The following NSRP1 variants were observed in gnomAD, a reference collection of about 807,000 sequenced individuals.
NSRP1 encodes the protein coiled-coil domain containing 55.
A neutral mutation model predicts 54.7 loss-of-function variants in NSRP1; 24 were observed. The ratio of observed to expected loss-of-function variants is 0.44; its 90% confidence interval spans 0.32 to 0.62. The LOEUF is 0.62. Ranked by LOEUF, NSRP1 falls within the 20% of genes least tolerant of loss-of-function variation. The pLI, the probability that NSRP1 is intolerant of heterozygous loss-of-function variation, is 0.06. For synonymous variants in NSRP1, 210 were observed against 213.8 expected (o/e 0.98, Z 0.15); for missense variants, 596 against 651.2 (o/e 0.92, Z 0.92).
intron 2 of NSRP1, among the ~76,000 whole-genome samples, chr17:30,120,367 A>G (rs2071585979): frequency 6.6e-6 from 1 of 152,228 alleles, no homozygotes; most frequent in African/African-American, 2.4e-5. Flanking sequence ...CTGCGTAGCC[A>G]ACTAGAATAT....
intron 2 of NSRP1, among the ~76,000 whole-genome samples, chr17:30,161,280 G>A (rs1294057025): frequency 6.6e-6 from 1 of 152,080 alleles, no homozygotes; most frequent in Admixed American, 6.5e-5. Flanking sequence ...TAGGGTATCT[G>A]TTTAAATAGT....
intron 2 of NSRP1, among the ~76,000 whole-genome samples, chr17:30,139,150 C>T (rs2071780102): frequency 6.6e-6 from 1 of 151,896 alleles, no homozygotes. Flanking sequence ...ATCTCCTGAC[C>T]TCCTGATCCA....
At chr17:30,143,116 C>G (rs2071821199) in intron 2 of NSRP1, among the ~76,000 whole-genome samples, 1 of 152,106 alleles carries the variant, frequency 6.6e-6, no homozygotes, top group Admixed American at 6.6e-5. Flanking sequence ...TTGATATTAC[C>G]CATTCCAACT....
intron 6 of NSRP1, among the ~76,000 whole-genome samples, chr17:30,184,408 T>A (rs1461142396): frequency 6.6e-6 from 1 of 152,218 alleles, no homozygotes; most frequent in Non-Finnish European, 1.5e-5. Flanking sequence ...CTTCTACAAA[T>A]ATTGAAAATA....
At chr17:30,174,635 T>C (rs946008178) in intron 3 of NSRP1, among the ~76,000 whole-genome samples, 1 of 152,210 alleles carries the variant, frequency 6.6e-6, no homozygotes, top group Admixed American at 6.5e-5. Context: ...TAGATATTTG[T>C]TGCTAATCTA....
At chr17:30,128,705 T>C (rs1019144752) in intron 2 of NSRP1, among the ~76,000 whole-genome samples, 3 of 152,172 alleles carry the variant, frequency 2.0e-5, no homozygotes, top group Non-Finnish European at 1.5e-5. Context: ...TGGGTCTCTT[T>C]ATGATCGTAA....
chr17:30,127,821 T>G, intron 2 of NSRP1: 1 of 392,616 alleles, frequency 2.5e-6, no homozygotes, highest in Non-Finnish European at 4.5e-6. Flanking sequence ...TTTATTTAAT[T>G]TACATTACTT....
intron 6 of NSRP1, among the ~76,000 whole-genome samples, chr17:30,184,091 A>T (rs1905416714): frequency 6.6e-6 from 1 of 152,042 alleles, no homozygotes; most frequent in Non-Finnish European, 1.5e-5. Flanking sequence ...AATCCCAACT[A>T]CTCGGGAAGC....
intron 2 of NSRP1, among the ~76,000 whole-genome samples, chr17:30,159,084 G>A (rs989470028): frequency 3.9e-5 from 6 of 152,060 alleles, no homozygotes; most frequent in East Asian, 1.9e-4. Flanking sequence ...TAATTCTTCC[G>A]ATCCATGAAC....
chr17:30,141,028 C>G (rs1324647854), intron 2 of NSRP1, among the ~76,000 whole-genome samples: 1 of 152,052 alleles, frequency 6.6e-6, no homozygotes, highest in East Asian at 1.9e-4. Flanking sequence ...GCTGTGTTGT[C>G]CAGGCTGGTC....
intron 1 of NSRP1, 68 bp from the exon 2 acceptor site, chr17:30,118,012 G>T (rs1184310991): frequency 8.5e-7 from 1 of 1,177,582 alleles, no homozygotes; most frequent in African/African-American, 1.5e-5. Context: ...TGTGGAAGAG[G>T]TAGTAGATGT....
chr17:30,182,351 TA>T (rs1040815608), intron 6 of NSRP1, among the ~76,000 whole-genome samples: 2 of 152,124 alleles, frequency 1.3e-5, no homozygotes, highest in African/African-American at 4.8e-5. Context: ...TAATTTAAAG[TA>T]AATAAAGTAG....
rs773383573 is a variant in NSRP1 at position 30,172,498 on chromosome 17, T to C, written c.115-44T>C. ...GGGGACGCTCGTACTGGAAAAGAAA[T>C]TTTAAATTTGTTTAAAAAGTGACAA... On this transcript the variant is annotated intron_variant, in intron 2 of 6. Transcript: ENST00000247026. 20 of 1,534,194 alleles carry C rather than the reference T, an allele frequency of 1.3e-5. 1 individual carries two copies. The South Asian group carries it at 2.4e-4, about 18-fold the overall frequency.
intron 2 of NSRP1, among the ~76,000 whole-genome samples, chr17:30,155,494 C>T (rs1009899388): frequency 4.6e-5 from 7 of 152,096 alleles, no homozygotes; most frequent in Admixed American, 6.5e-5. Flanking sequence ...ATATGTCTTC[C>T]TCTGGGTCTT....
At chr17:30,156,867 C>T (rs564528551) in intron 2 of NSRP1, among the ~76,000 whole-genome samples, 2 of 152,166 alleles carry the variant, frequency 1.3e-5, no homozygotes, top group South Asian at 4.2e-4. Flanking sequence ...TGTAAATATG[C>T]CACATTTTCT....
chr17:30,117,450 C>T, intron 1 of NSRP1: 2 of 423,786 alleles, frequency 4.7e-6, no homozygotes, highest in Non-Finnish European at 8.4e-6. Flanking sequence ...CCGTGATCTC[C>T]GCATCTTAAA....
At chr17:30,138,996 C>G (rs1567793885) in intron 2 of NSRP1, among the ~76,000 whole-genome samples, 1 of 142,492 alleles carries the variant, frequency 7.0e-6, no homozygotes, top group African/African-American at 2.7e-5. Context: ...TGGCTCACTG[C>G]AAGCTCCGCC....
At chr17:30,178,538 T>C (rs1905200820) in intron 4 of NSRP1, among the ~76,000 whole-genome samples, 1 of 152,218 alleles carries the variant, frequency 6.6e-6, no homozygotes, top group African/African-American at 2.4e-5. Flanking sequence ...TTTTTTCATT[T>C]CTTCCTAGCT....
intron 2 of NSRP1, among the ~76,000 whole-genome samples, chr17:30,143,544 A>G (rs1365930001): frequency 6.6e-6 from 1 of 152,152 alleles, no homozygotes; most frequent in Non-Finnish European, 1.5e-5. Flanking sequence ...TTTCATTAAA[A>G]TTTGCCCTGT....
Sources: gnomAD v4.1 joint callset for allele counts (sites outside exome capture counted in the v4.1 genomes callset) on GRCh38, gnomAD v4.1.1 for gene constraint, MANE v1.5 for transcripts, NCBI Gene and HGNC (gene_info 2026-07-23, HGNC 2026-07-21) for gene names.